SLC25A22: variants seen among roughly 807,000 people sequenced by gnomAD.
The protein encoded by SLC25A22 is solute carrier family 25 member 22.
Under a neutral mutation model 33.7 loss-of-function variants are expected in SLC25A22, and 23 were observed. The observed-to-expected ratio is 0.68, with a 90% confidence interval of 0.49 to 0.97. The LOEUF is 0.97. Among genes scored for constraint, SLC25A22 ranks in the 50% least tolerant of loss-of-function variants. The pLI is 0.00. For missense variants in SLC25A22, 390 were observed against 451.1 expected (o/e 0.86, Z 1.23); for synonymous variants, 245 against 203.8 (o/e 1.20, Z -1.72).
chr11:792,520 C>A, intron 7 of SLC25A22, 33 bp downstream of exon 7: 1 of 1,612,378 alleles, frequency 6.2e-7, no homozygotes, highest in Non-Finnish European at 8.5e-7. Context: ...CGGCCTCCCC[C>A]TTCCCTCCCC....
At position 795,017 on chromosome 11, in the gene SLC25A22, T is replaced by C; in HGVS notation, c.-11A>G. 1 of 1,549,894 alleles carries C rather than the reference T, an allele frequency of 6.5e-7. No individual in the cohort carries two copies. The highest frequency in any genetic ancestry group is 8.7e-7 in the Non-Finnish European group (1 of 1,147,100). On this transcript the variant is annotated 5_prime_UTR_variant, in exon 2 of 10. Transcript: ENST00000628067. ...CTGCTTATCAGCCATTTAACTCGAT[T>C]GCACCCAGGTAGGAGCCGCAGAGGT...
At position 791,472 on chromosome 11, in the gene SLC25A22, G is replaced by T; in HGVS notation, c.*443C>A. On this transcript the variant is annotated 3_prime_UTR_variant, in exon 10 of 10. Transcript: ENST00000628067. ...CGGCTGGGGAAGGACGGAAGGGCTG[G>T]AGAGCCGCTTGGGTCCAGCAGATTC... The T allele has an allele frequency of 4.6e-6, 1 of 215,912 alleles. No homozygotes were observed. The highest frequency in any genetic ancestry group is 9.4e-6 in the Non-Finnish European group (1 of 106,418). The allele number at this position is 215,912 out of a possible 1,614,324, so 13.4% of individuals were successfully genotyped here.
At chr11:793,851 C>G (rs1864659084) in intron 4 of SLC25A22, 8 of 589,146 alleles carry the variant, frequency 1.4e-5, no homozygotes, top group Non-Finnish European at 2.4e-5. Context: ...CCATCTGTCT[C>G]TGATTCTGGG....
At position 792,606 on chromosome 11, in the gene SLC25A22, CAGCAGGTCG is replaced by C; in HGVS notation, c.525_533del (p.Asp176_Leu178del). On this transcript the variant is annotated inframe_deletion, in exon 7 of 10. Coordinates refer to ENST00000628067, the MANE Select transcript of SLC25A22 (RefSeq NM_001191061.2). ...AGAGACCGGCAATGCCACGGCTCCG[CAGCAGGTCG>C]CGGGTCAGCTGGGTGGCCGTGGGCC... 2 of 1,608,972 alleles carry C rather than the reference CAGCAGGTCG, an allele frequency of 1.2e-6. No homozygotes were observed. Among genetic ancestry groups the C allele is most frequent in the African/African-American group, 1.3e-5 (1 of 74,938 alleles).
Position 792,049 on chromosome 11 carries a change from C to T in SLC25A22, c.838G>A (p.Gly280Ser), listed in dbSNP as rs111667250. ...DCARKILRHE[G>S]PSAFLKGAYC... is the part of the protein sequence containing the mutation. Reference sequence around the variant, plus strand: ...GCGCCCTTCAGGAAGGCCGAGGGGCCCTCGTGCCGCAGGATCTTCCTGTGG... The same window carrying T: ...GCGCCCTTCAGGAAGGCCGAGGGGCTCTCGTGCCGCAGGATCTTCCTGTGG... Residue 280 changes from glycine to serine, a missense_variant, in exon 10 of 10, where the codon GGC (glycine) becomes AGC (serine). Transcript: ENST00000628067. 6.3e-7 allele frequency: 1 copy of T among 1,599,352 alleles called. No homozygotes were observed. The highest frequency in any genetic ancestry group is 1.1e-5 in the South Asian group (1 of 89,528).
intron 1 of SLC25A22, chr11:795,692 G>C (rs1864789598): frequency 5.9e-6 from 1 of 168,620 alleles, no homozygotes; most frequent in Non-Finnish European, 1.3e-5. Context: ...GCTCCACCTA[G>C]GGCCTGCAGA....
intron 3 of SLC25A22, 50 bp from the exon 4 acceptor site, chr11:794,563 G>C: frequency 6.2e-7 from 1 of 1,600,572 alleles, no homozygotes; most frequent in Non-Finnish European, 8.5e-7. Flanking sequence ...GCCAGCCGGA[G>C]GCCAGGGTCC....
In SLC25A22 at chr11:795,085, C is replaced by G; in HGVS notation, c.-79G>C. 7.4e-7 allele frequency: 1 copy of G among 1,343,426 alleles called. No homozygotes were observed. The allele number at this position is 1,343,426 out of a possible 1,614,324, so 83.2% of individuals were successfully genotyped here. A position where few individuals can be genotyped will look rare whatever the true frequency, so the allele number is the denominator to read the frequency against. ...GGGTGGAGGTGGAGGTGGAGGAGGC[C>G]TTGAGGGAGGGTGGGACCCAGGGGG... On this transcript the variant is annotated 5_prime_UTR_variant, in exon 2 of 10. Coordinates refer to ENST00000628067, the MANE Select transcript of SLC25A22 (RefSeq NM_001191061.2).
At chr11:798,076 C>G in intron 1 of SLC25A22, 141 bp downstream of exon 1, 1 of 398,278 alleles carries the variant, frequency 2.5e-6, no homozygotes, top group African/African-American at 2.1e-5. Context: ...ATCCGCTGGT[C>G]CAGGACCCCC....
rs1864569718 is a variant in SLC25A22 at position 792,359 on chromosome 11, G to A, written c.687C>T (p.Phe229=). ...SEEKSPFYVS[F]LAGCVAGSAA... ...CACTCCCAGCCACACAGCCGGCCAG[G>A]AAGGACACGTAGAAAGGCGACTTCT... Residue 229 remains phenylalanine (F), a synonymous_variant, in exon 8 of 10, where the codon TTC becomes TTT. Transcript: ENST00000628067. 1 of 1,613,254 alleles carries A rather than the reference G, an allele frequency of 6.2e-7. No individual in the cohort carries two copies. The highest frequency in any genetic ancestry group is 8.5e-7 in the Non-Finnish European group (1 of 1,179,946).
At position 795,097 on chromosome 11, in the gene SLC25A22, TG is replaced by T. The variant is rs1180275601; in HGVS notation, c.-92del. ...AGGTGGAGGAGGCCTTGAGGGAGGG[TG>T]GGACCCAGGGGGGTTGGGTGGTGCT... On this transcript the variant is annotated 5_prime_UTR_variant, in exon 2 of 10. Coordinates refer to ENST00000628067, the MANE Select transcript of SLC25A22 (RefSeq NM_001191061.2). 14 of 614,200 alleles carry T rather than the reference TG, an allele frequency of 2.3e-5. No individual in the cohort carries two copies. Among genetic ancestry groups the T allele is most frequent in the Admixed American group, 1.9e-4 (8 of 42,306 alleles). 38.0% of individuals were successfully genotyped at this position (614,200 alleles called of 1,614,324 possible).
chr11:795,287 G>A, intron 1 of SLC25A22, 118 bp from the exon 2 acceptor site: 1 of 594,046 alleles, frequency 1.7e-6, no homozygotes, highest in Non-Finnish European at 3.1e-6. Context: ...AGCCGTCACT[G>A]CGTCCTGAGG....
chr11:795,731 A>C (rs143033974), intron 1 of SLC25A22: 9 of 143,760 alleles, frequency 6.3e-5, no homozygotes, highest in South Asian at 1.9e-4. Context: ...CACACCCCCC[A>C]CAGCCAGCCC....
At chr11:793,465 G>A in intron 5 of SLC25A22, 64 bp downstream of exon 5, 1 of 1,527,090 alleles carries the variant, frequency 6.5e-7, no homozygotes, top group East Asian at 2.3e-5. Flanking sequence ...CCAGCTGGCA[G>A]GGTGGACCCA....
chr11:791,147 G>A lies in SLC25A22; in HGVS notation c.*768C>T, dbSNP rs1864499057. Reference sequence around the variant, plus strand: ...AGCGCCTGGCCACGGCGGGAAGGGGGGCAGTCCCCAGCAGCCCCATCCCCA... The same window carrying A: ...AGCGCCTGGCCACGGCGGGAAGGGGAGCAGTCCCCAGCAGCCCCATCCCCA... On this transcript the variant is annotated 3_prime_UTR_variant, in exon 10 of 10. Coordinates refer to ENST00000628067, the MANE Select transcript of SLC25A22 (RefSeq NM_001191061.2). 1 of 153,456 alleles carries A rather than the reference G, an allele frequency of 6.5e-6. No individual in the cohort carries two copies. The highest frequency in any genetic ancestry group is 2.4e-5 in the African/African-American group (1 of 41,464). The allele number at this position is 153,456 out of a possible 1,614,324, so 9.5% of individuals were successfully genotyped here.
chr11:791,965 G>A lies in SLC25A22; in HGVS notation c.922C>T (p.Leu308=), dbSNP rs758596118. The change falls in exon 10 of 10, where the codon CTG becomes TTG. Residue 308 remains leucine (L), a synonymous_variant. Coordinates refer to ENST00000628067, the MANE Select transcript of SLC25A22 (RefSeq NM_001191061.2). ...CCCAGCAGGGACTCCGCGATGCCCAGGAAGTAGACCACCTGTGCGATGCCG... is the reference window on the plus strand; with the variant it reads ...CCCAGCAGGGACTCCGCGATGCCCAAGAAGTAGACCACCTGTGCGATGCCG... ...LFGIAQVVYF[L]GIAESLLGLL... 32 of 1,607,968 alleles carry A rather than the reference G, an allele frequency of 2.0e-5. No homozygotes were observed. The East Asian group carries it at 6.2e-4, about 31-fold the overall frequency.
intron 1 of SLC25A22, 84 bp from the exon 2 acceptor site, chr11:795,253 C>A (rs575291575): frequency 1.6e-5 from 10 of 639,302 alleles, no homozygotes; most frequent in Non-Finnish European, 2.8e-5. Flanking sequence ...CTCACGCAGC[C>A]CCTCACCCAC....
chr11:797,350 T>A (rs1328978889), intron 1 of SLC25A22, among the ~76,000 whole-genome samples: 1 of 151,994 alleles, frequency 6.6e-6, no homozygotes, highest in Non-Finnish European at 1.5e-5. Flanking sequence ...CTGCCCTCAC[T>A]CGGCAGTTCC....
Position 791,931 on chromosome 11 carries a change from T to C in SLC25A22, c.956A>G (p.Gln319Arg). The C allele has an allele frequency of 6.2e-7, 1 of 1,600,692 alleles. No individual in the cohort carries two copies. Among genetic ancestry groups the C allele is most frequent in the Non-Finnish European group, 8.5e-7 (1 of 1,179,008 alleles). ...GIAESLLGLL[Q>R]DPQA Reference sequence around the variant, plus strand: ...GTGCTGGGCTCAGGCCTGGGGGTCCTGCAGCAGCCCCAGCAGGGACTCCGC... The same window carrying C: ...GTGCTGGGCTCAGGCCTGGGGGTCCCGCAGCAGCCCCAGCAGGGACTCCGC... Residue 319 changes from glutamine (Q) to arginine (R), a missense_variant, in exon 10 of 10, where the codon CAG (glutamine) becomes CGG (arginine). By Grantham distance (43) the Gln-to-Arg change is conservative (BLOSUM62 1). Transcript: ENST00000628067.
Sources: gnomAD v4.1 joint callset for allele counts (sites outside exome capture counted in the v4.1 genomes callset) on GRCh38, gnomAD v4.1.1 for gene constraint, MANE v1.5 for transcripts, NCBI Gene and HGNC (gene_info 2026-07-23, HGNC 2026-07-21) for gene names.